ITGA9: variants seen among roughly 807,000 people sequenced by gnomAD.
ITGA9 encodes integrin alpha-9.
A neutral mutation model predicts 127.8 loss-of-function variants in ITGA9; 56 were observed. The ratio of observed to expected loss-of-function variants is 0.44; its 90% CI spans 0.35 to 0.55. ITGA9 has a LOEUF of 0.55. Ranked by LOEUF, ITGA9 falls within the 20% of genes least tolerant of loss-of-function variation. ITGA9 has a pLI of 0.00. For synonymous variants in ITGA9, 508 were observed against 514.5 expected (o/e 0.99, Z 0.17); for missense variants, 1,196 against 1,347.1 (o/e 0.89, Z 1.76).
intron 15 of ITGA9, among the ~76,000 whole-genome samples, chr3:37,625,225 T>A (rs1700165257): frequency 6.6e-6 from 1 of 152,126 alleles, no homozygotes; most frequent in South Asian, 2.1e-4. Flanking sequence ...AACCTTTGGG[T>A]CCCCAAAGCC....
At chr3:37,796,136 G>C (rs1018456539) in intron 26 of ITGA9, among the ~76,000 whole-genome samples, 1 of 152,008 alleles carries the variant, frequency 6.6e-6, no homozygotes, top group Non-Finnish European at 1.5e-5. Context: ...TCATGCCAAA[G>C]GGGGTTTGCA....
intron 15 of ITGA9, among the ~76,000 whole-genome samples, chr3:37,576,985 T>A (rs1699659927): frequency 1.3e-5 from 2 of 152,240 alleles, no homozygotes; most frequent in South Asian, 4.1e-4. Flanking sequence ...CACAGTCATG[T>A]GTGGCTAGGA....
intron 23 of ITGA9, among the ~76,000 whole-genome samples, chr3:37,770,172 T>A (rs988967055): frequency 6.6e-6 from 1 of 152,234 alleles, no homozygotes. Flanking sequence ...ATAAATTATA[T>A]GGTCACCCTT....
chr3:37,794,074 A>G (rs1289643914), intron 26 of ITGA9, among the ~76,000 whole-genome samples: 1 of 152,180 alleles, frequency 6.6e-6, no homozygotes, highest in Non-Finnish European at 1.5e-5. Context: ...ATTAAGATGA[A>G]TGACCTCATT....
chr3:37,638,447 T>TG (rs1448981694), intron 16 of ITGA9, among the ~76,000 whole-genome samples: 88 of 117,288 alleles, frequency 7.5e-4, no homozygotes, highest in Middle Eastern at 4.5e-3. Flanking sequence ...TTCCTGATTA[T>TG]GGGGAAAAAA....
intron 4 of ITGA9, among the ~76,000 whole-genome samples, chr3:37,487,380 G>A (rs752767567): frequency 6.6e-6 from 1 of 152,216 alleles, no homozygotes; most frequent in Non-Finnish European, 1.5e-5. Flanking sequence ...GAGGTCTCCA[G>A]CAGGGCCTCT....
intron 15 of ITGA9, among the ~76,000 whole-genome samples, chr3:37,593,762 T>C (rs550585590): frequency 6.6e-6 from 1 of 152,292 alleles, no homozygotes; most frequent in South Asian, 2.1e-4. Context: ...CTCTTCTGTG[T>C]TGGGTATTGT....
intron 16 of ITGA9, among the ~76,000 whole-genome samples, chr3:37,640,081 C>T (rs768446280): frequency 2.0e-5 from 3 of 152,226 alleles, no homozygotes; most frequent in Non-Finnish European, 4.4e-5. Context: ...AGGTCTTTCA[C>T]TGCGGTAGGC....
At chr3:37,484,137 G>A (rs1339814249) in intron 4 of ITGA9, among the ~76,000 whole-genome samples, 1 of 152,120 alleles carries the variant, frequency 6.6e-6, no homozygotes, top group East Asian at 1.9e-4. Context: ...TCCCATGGGC[G>A]CACACACACT....
chr3:37,589,310 A>G lies in ITGA9; in HGVS notation c.1690-39877A>G, dbSNP rs551372438. ...GTTCATTCACTGATTCACCCACTCA[A>G]ATATTCATAGAGCACCTATCATGTG... On this transcript the variant is annotated intron_variant, in intron 15 of 27. Coordinates refer to ENST00000264741, the MANE Select transcript of ITGA9 (RefSeq NM_002207.3). Among the ~76,000 whole-genome samples, 372 of 152,290 alleles carry G rather than the reference A, an allele frequency of 2.4e-3. 1 individual carries two copies. The highest frequency in any genetic ancestry group is 8.4e-3 in the African/African-American group (348 of 41,554).
At chr3:37,648,189 T>TA (rs1559557652) in intron 16 of ITGA9, among the ~76,000 whole-genome samples, 1 of 152,206 alleles carries the variant, frequency 6.6e-6, no homozygotes, top group Non-Finnish European at 1.5e-5. Flanking sequence ...TAACACTTTT[T>TA]ATCTCTTGTC....
At chr3:37,742,332 C>T (rs1037132982) in intron 21 of ITGA9, among the ~76,000 whole-genome samples, 11 of 152,124 alleles carry the variant, frequency 7.2e-5, no homozygotes, top group South Asian at 2.1e-4. Context: ...GTGGCTTTTC[C>T]TGATGTCTAT....
At chr3:37,542,376 C>T (rs1029254512) in intron 14 of ITGA9, 49 bp from the exon 15 acceptor site, 1 of 1,604,424 alleles carries the variant, frequency 6.2e-7, no homozygotes, top group African/African-American at 1.3e-5. Flanking sequence ...GTGGCCTCAT[C>T]ACAGTGTGTC....
intron 22 of ITGA9, among the ~76,000 whole-genome samples, chr3:37,746,890 G>C (rs1575218435): frequency 6.6e-6 from 1 of 152,160 alleles, no homozygotes; most frequent in Non-Finnish European, 1.5e-5. Flanking sequence ...GCTGGAGCTA[G>C]ATCTTCATAC....
intron 17 of ITGA9, among the ~76,000 whole-genome samples, chr3:37,673,489 T>C (rs1004117363): frequency 1.2e-4 from 18 of 152,132 alleles, no homozygotes; most frequent in Non-Finnish European, 2.5e-4. Context: ...TTAAGCAGCA[T>C]CTCTGGCAGT....
At chr3:37,743,542 C>A (rs1056114202) in intron 21 of ITGA9, among the ~76,000 whole-genome samples, 2 of 152,208 alleles carry the variant, frequency 1.3e-5, no homozygotes, top group African/African-American at 4.8e-5. Context: ...ATGCCAAATA[C>A]ATAACTCATT....
intron 23 of ITGA9, among the ~76,000 whole-genome samples, chr3:37,772,481 G>T (rs564170705): frequency 6.6e-6 from 1 of 152,062 alleles, no homozygotes; most frequent in African/African-American, 2.4e-5. Context: ...GAATGTTAAT[G>T]TGTGGAAAGC....
At chr3:37,595,152 G>A (rs1434757995) in intron 15 of ITGA9, among the ~76,000 whole-genome samples, 2 of 151,618 alleles carry the variant, frequency 1.3e-5, no homozygotes, top group Non-Finnish European at 2.9e-5. Context: ...ACACCCAGGC[G>A]GGAGTGCAGT....
Position 37,452,685 on chromosome 3 carries a change from C to A in ITGA9, c.185+126C>A. The A allele has an allele frequency of 1.2e-6, 1 of 825,894 alleles. No individual in the cohort carries two copies. 51.2% of individuals were successfully genotyped at this position (825,894 alleles called of 1,614,324 possible). A position where few individuals can be genotyped will look rare whatever the true frequency, so the allele number is the denominator to read the frequency against. On this transcript the variant is annotated intron_variant, in intron 1 of 27. Transcript: ENST00000264741. The surrounding 1 kb of genome is among the most constrained non-coding windows in gnomAD (Gnocchi z 7.3). ...TCCCGAGGGGGCGATTTAAATGTCT[C>A]CGTTGCGCGCGGCTCGGCCGCCGGG... is the stretch of plus-strand genomic sequence containing the variant.
Sources: gnomAD v4.1 joint callset for allele counts (sites outside exome capture counted in the v4.1 genomes callset) on GRCh38, gnomAD v4.1.1 for gene constraint, Gnocchi (gnomAD v3.1) non-coding constraint, MANE v1.5 for transcripts, NCBI Gene and HGNC (gene_info 2026-07-23, HGNC 2026-07-21) for gene names.